Variants in MED27 observed in about 807,000 individuals in gnomAD.
The protein encoded by MED27 is mediator complex subunit 27, also known as mediator of RNA polymerase II transcription subunit 27.
In MED27, 30 loss-of-function variants were observed where a neutral mutation model predicts 38.2. That is an observed-to-expected ratio of 0.79 (90% CI 0.59 to 1.07). The LOEUF is 1.07. MED27 is among the 50% of genes least tolerant of loss of function. The pLI, the probability that MED27 is intolerant of heterozygous loss-of-function variation, is 0.00. For synonymous variants in MED27, 122 were observed against 153.5 expected (o/e 0.79, Z 1.52); for missense variants, 289 against 397.5 (o/e 0.73, Z 2.32).
intron 3 of MED27, among the ~76,000 whole-genome samples, chr9:131,981,273 A>T (rs1831730006): frequency 6.6e-6 from 1 of 152,262 alleles, no homozygotes; most frequent in Non-Finnish European, 1.5e-5. Context: ...TGGCTAAATT[A>T]CAATAAATCA....
intron 3 of MED27, among the ~76,000 whole-genome samples, chr9:131,984,788 T>C (rs1451172322): frequency 2.0e-5 from 3 of 152,216 alleles, no homozygotes; most frequent in African/African-American, 7.2e-5. Context: ...CTGACATTTA[T>C]ACATTTATGC....
At chr9:132,046,451 C>T (rs1833340263) in intron 2 of MED27, among the ~76,000 whole-genome samples, 1 of 151,970 alleles carries the variant, frequency 6.6e-6, no homozygotes. Context: ...AAAATCCATA[C>T]ATTATTCTGG....
At chr9:131,941,784 G>C (rs2130970852) in intron 3 of MED27, among the ~76,000 whole-genome samples, 1 of 146,102 alleles carries the variant, frequency 6.8e-6, no homozygotes, top group East Asian at 2.0e-4. Flanking sequence ...AGAATGACAG[G>C]CATTTCTTAA....
chr9:132,000,227 G>A (rs1452320047), intron 3 of MED27, among the ~76,000 whole-genome samples: 1 of 151,758 alleles, frequency 6.6e-6, no homozygotes, highest in African/African-American at 2.4e-5. Context: ...AAAGATATAC[G>A]GATGGCAAAT....
Position 131,908,490 on chromosome 9 carries a change from AAAG to A in MED27, c.574-14501_574-14499del, listed in dbSNP as rs373544161. ...TCGGATGGGTGCCGTGTCTGTGTAG[AAAG>A]AAGTAGACATGGGAGACTTTTCATT... On this transcript the variant is annotated intron_variant, in intron 4 of 7. Coordinates refer to ENST00000292035, the MANE Select transcript of MED27 (RefSeq NM_004269.4). Among the ~76,000 whole-genome samples the A allele has an allele frequency of 4.9e-4, 75 of 152,302 alleles. 1 individual carries two copies. The East Asian group carries it at 0.011, about 22-fold the overall frequency.
chr9:132,004,311 T>A (rs2131062151), intron 3 of MED27, among the ~76,000 whole-genome samples: 1 of 152,326 alleles, frequency 6.6e-6, no homozygotes, highest in African/African-American at 2.4e-5. Context: ...CATAGACAGA[T>A]TTTTGCATTA....
intron 4 of MED27, among the ~76,000 whole-genome samples, chr9:131,926,545 A>C (rs910991135): frequency 6.6e-6 from 1 of 152,190 alleles, no homozygotes; most frequent in African/African-American, 2.4e-5. Flanking sequence ...CTGAATTGGA[A>C]TTTCTGTACT....
intron 2 of MED27, chr9:132,073,280 C>T (rs779613461): frequency 7.1e-5 from 69 of 970,142 alleles, no homozygotes; most frequent in Non-Finnish European, 8.2e-5. Flanking sequence ...TGGAAATGCC[C>T]TCACTGTACT....
At chr9:132,034,312 G>T (rs185634897) in intron 2 of MED27, among the ~76,000 whole-genome samples, 176 of 152,196 alleles carry the variant, frequency 1.2e-3, no homozygotes, top group African/African-American at 4.1e-3. Flanking sequence ...AAGTGTCCAT[G>T]GACAAATAAA....
At chr9:131,955,970 A>G in intron 3 of MED27, among the ~76,000 whole-genome samples, 1 of 152,358 alleles carries the variant, frequency 6.6e-6, no homozygotes, top group South Asian at 2.1e-4. Flanking sequence ...CAAAGATACA[A>G]AATTCCTTAA....
chr9:131,946,324 T>C (rs1327423247), intron 3 of MED27, among the ~76,000 whole-genome samples: 2 of 152,230 alleles, frequency 1.3e-5, no homozygotes, highest in African/African-American at 2.4e-5. Flanking sequence ...GGAACCGCCA[T>C]ACTATTTTCC....
At chr9:131,919,565 C>G (rs1436682191) in intron 4 of MED27, among the ~76,000 whole-genome samples, 1 of 152,030 alleles carries the variant, frequency 6.6e-6, no homozygotes. Flanking sequence ...CCTCTTCAAG[C>G]CTGTTTTTTC....
chr9:131,964,340 G>A (rs1347556417), intron 3 of MED27, among the ~76,000 whole-genome samples: 6 of 151,552 alleles, frequency 4.0e-5, no homozygotes, highest in African/African-American at 4.8e-5. Flanking sequence ...TGATGGTGGT[G>A]GTGGTGGAGG....
At chr9:131,882,617 G>A (rs528008545) in intron 6 of MED27, among the ~76,000 whole-genome samples, 5 of 152,220 alleles carry the variant, frequency 3.3e-5, no homozygotes, top group South Asian at 2.1e-4. Flanking sequence ...GATAAAATCC[G>A]AATTCTGCAC....
At chr9:132,070,902 C>T (rs1833921592) in intron 2 of MED27, among the ~76,000 whole-genome samples, 1 of 151,824 alleles carries the variant, frequency 6.6e-6, no homozygotes, top group African/African-American at 2.4e-5. Context: ...TGCTGTCTCA[C>T]TGGAAAAGGT....
At chr9:131,870,320 TTGGGCG>T in intron 6 of MED27, among the ~76,000 whole-genome samples, 1 of 152,292 alleles carries the variant, frequency 6.6e-6, no homozygotes, top group South Asian at 2.1e-4. Context: ...CTGTGTGACC[TTGGGCG>T]AGGATTAAAT....
At chr9:132,070,069 G>A (rs1253624952) in intron 2 of MED27, among the ~76,000 whole-genome samples, 1 of 152,216 alleles carries the variant, frequency 6.6e-6, no homozygotes, top group Non-Finnish European at 1.5e-5. Flanking sequence ...TATCCACATT[G>A]AACAGAGGAG....
At position 131,997,984 on chromosome 9, in the gene MED27, G is replaced by A. The variant is rs1832129846; in HGVS notation, c.479+16353C>T. On this transcript the variant is annotated intron_variant, in intron 3 of 7. Transcript: ENST00000292035. This position sits in a 1 kb window ranked among gnomAD's most constrained non-coding sequence, Gnocchi z 4.0. ...GCTCATTTGTAGAACAGAAATATCT[G>A]TTCCCACTGGCTGATAAAGTCTTGC... 6.6e-6 allele frequency among the ~76,000 whole-genome samples: 1 copy of A among 152,140 alleles called. No homozygotes were observed. Among genetic ancestry groups the A allele is most frequent in the East Asian group, 1.9e-4 (1 of 5,196 alleles).
chr9:131,897,367 G>C (rs1168635347), intron 4 of MED27, among the ~76,000 whole-genome samples: 1 of 152,204 alleles, frequency 6.6e-6, no homozygotes, highest in Non-Finnish European at 1.5e-5. Flanking sequence ...CAACGGTTAT[G>C]CCAACCAGAA....
Sources: gnomAD v4.1 joint callset for allele counts (sites outside exome capture counted in the v4.1 genomes callset) on GRCh38, gnomAD v4.1.1 for gene constraint, Gnocchi (gnomAD v3.1) non-coding constraint, MANE v1.5 for transcripts, NCBI Gene and HGNC (gene_info 2026-07-23, HGNC 2026-07-21) for gene names.